KYNU: variants seen among roughly 807,000 people sequenced by gnomAD.
KYNU encodes the protein kynureninase, also known as L-kynurenine hydrolase.
A neutral mutation model predicts 59.2 loss-of-function variants in KYNU; 54 were observed. The observed-to-expected ratio is 0.91, with a 90% CI of 0.73 to 1.14. The LOEUF is 1.14. KYNU is among the 50% of genes most tolerant of loss of function. The pLI is 0.00. For missense variants in KYNU, 567 were observed against 554.4 expected, an observed-to-expected ratio of 1.02 and a Z score of -0.23; for synonymous variants, 177 against 192.0, an observed-to-expected ratio of 0.92 and a Z score of 0.65.
intron 10 of KYNU, among the ~76,000 whole-genome samples, chr2:143,018,903 A>G (rs1686333469): frequency 6.6e-6 from 1 of 152,016 alleles, no homozygotes; most frequent in East Asian, 1.9e-4. Flanking sequence ...GCTACTGTAA[A>G]TGGGATTGTA....
intron 2 of KYNU, among the ~76,000 whole-genome samples, chr2:142,912,387 T>TC (rs1271104974): frequency 0.042 from 5,908 of 139,302 alleles, 171 homozygotes; most frequent in African/African-American, 0.11. Context: ...TTTTTTTTTT[T>TC]TTTTTTTTTG....
rs1422327794 is a variant in KYNU at position 142,956,208 on chromosome 2, AT to A, written c.447del (p.Phe149LeufsTer12). 13 of 1,581,692 alleles carry A rather than the reference AT, an allele frequency of 8.2e-6. No individual in the cohort carries two copies. The highest frequency in any genetic ancestry group is 6.7e-5 in the Admixed American group (4 of 59,806). Reference protein sequence around the residue: ...TVNLHLLMLSFFKPTPKRYKI... With the variant: ...TVNLHLLMLSXFKPTPKRYKI... The stretch of plus-strand genomic sequence containing the variant: ...ATAAATCCATTTTATTGCAGTTATC[AT>A]TTTTTAAGCCTACGCCAAAACGATA... On this transcript the variant is annotated frameshift_variant, in exon 6 of 14. Coordinates refer to ENST00000264170, the MANE Select transcript of KYNU (RefSeq NM_003937.3). LOFTEE classifies it high-confidence loss of function.
At chr2:143,035,750 C>G (rs1000551499) in intron 12 of KYNU, among the ~76,000 whole-genome samples, 7 of 152,122 alleles carry the variant, frequency 4.6e-5, no homozygotes, top group African/African-American at 7.2e-5. Context: ...CACCACCACA[C>G]TTGGCTGATT....
chr2:142,960,947 G>A (rs1024852523), intron 8 of KYNU, among the ~76,000 whole-genome samples, 177 bp downstream of exon 8: 5 of 151,524 alleles, frequency 3.3e-5, no homozygotes, highest in Non-Finnish European at 7.4e-5. Flanking sequence ...TGTAATCCCA[G>A]CACTTGGGAG....
At chr2:142,942,020 T>C (rs1683616751) in intron 4 of KYNU, among the ~76,000 whole-genome samples, 1 of 151,890 alleles carries the variant, frequency 6.6e-6, no homozygotes, top group South Asian at 2.1e-4. Context: ...AATACAGATA[T>C]ACAAAAATTA....
At chr2:143,041,352 T>G (rs61665191) in intron 13 of KYNU, among the ~76,000 whole-genome samples, 23,918 of 151,976 alleles carry the variant, frequency 0.16, 1,968 homozygotes, top group East Asian at 0.27. Flanking sequence ...GAAATTCAAG[T>G]TTCTAAATCA....
At chr2:143,020,565 A>C (rs1686375314) in intron 10 of KYNU, among the ~76,000 whole-genome samples, 1 of 152,182 alleles carries the variant, frequency 6.6e-6, no homozygotes, top group African/African-American at 2.4e-5. Flanking sequence ...TATCCTGGCA[A>C]ATGTTCTAAG....
intron 2 of KYNU, among the ~76,000 whole-genome samples, chr2:142,888,809 G>A (rs910619049): frequency 3.3e-5 from 5 of 150,296 alleles, no homozygotes; most frequent in South Asian, 2.2e-4. Flanking sequence ...AGACACTTCT[G>A]TCAGAACGGT....
chr2:142,965,414 A>C (rs1684495065), intron 8 of KYNU, among the ~76,000 whole-genome samples: 1 of 152,192 alleles, frequency 6.6e-6, no homozygotes, highest in African/African-American at 2.4e-5. Context: ...TGAAAAATGC[A>C]GATTTCTTTT....
In KYNU at chr2:143,049,059, A is replaced by T. The variant is rs757732722; in HGVS notation, c.*6887A>T. The T allele has an allele frequency of 6.6e-6, 1 of 152,126 alleles. No individual in the cohort carries two copies. Among genetic ancestry groups the T allele is most frequent in the Non-Finnish European group, 1.5e-5 (1 of 68,020 alleles). The allele number at this position is 152,126 out of a possible 1,614,324, so 9.4% of individuals were successfully genotyped here. ...GGATTAATTTTTTAATTTCTAGAAA[A>T]TTCAGAAGTATTATTTATTTATTCA... On this transcript the variant is annotated 3_prime_UTR_variant, in exon 14 of 14. Transcript: ENST00000264170.
chr2:143,013,272 C>G (rs989216707), intron 10 of KYNU, among the ~76,000 whole-genome samples: 6 of 150,470 alleles, frequency 4.0e-5, no homozygotes, highest in South Asian at 2.1e-4. Context: ...CTCTCCCTGT[C>G]TCTCTCTGTT....
rs1199614167 is a variant in KYNU, at chr2:143,033,303, C to T, written c.1023C>T (p.Ser341=). 1.2e-6 allele frequency: 2 copies of T among 1,613,378 alleles called. No homozygotes were observed. Among genetic ancestry groups the T allele is most frequent in the East Asian group, 2.2e-5 (1 of 44,878 alleles). The part of the protein sequence containing the change: ...ISNPPILLVC[S]LHASLEIFKQ... ...ATCCTCCCATTTTGTTGGTCTGTTC[C>T]TTGCATGCTAGTTTAGAGGTAAGTG... The change falls in exon 12 of 14, where the codon TCC becomes TCT. Residue 341 remains serine, a synonymous_variant. Transcript: ENST00000264170.
intron 13 of KYNU, among the ~76,000 whole-genome samples, chr2:143,041,434 G>A (rs3845642): frequency 0.69 from 105,446 of 151,834 alleles, 37,005 homozygotes; most frequent in Middle Eastern, 0.77. Flanking sequence ...ATTTTCATCC[G>A]TATTTGGGGT....
intron 10 of KYNU, among the ~76,000 whole-genome samples, chr2:143,013,259 T>A (rs1686161730): frequency 6.6e-6 from 1 of 152,080 alleles, no homozygotes; most frequent in African/African-American, 2.4e-5. Context: ...TATTTCTCTC[T>A]CTCTCTCCCT....
intron 1 of KYNU, among the ~76,000 whole-genome samples, chr2:142,882,451 A>G (rs1681335611): frequency 1.3e-5 from 2 of 151,916 alleles, no homozygotes; most frequent in Admixed American, 1.3e-4. Context: ...TTTACATTAC[A>G]TATTTCTCCT....
intron 4 of KYNU, among the ~76,000 whole-genome samples, chr2:142,935,523 AG>A (rs905744704): frequency 3.3e-5 from 5 of 152,278 alleles, no homozygotes; most frequent in African/African-American, 1.2e-4. Flanking sequence ...TTCTGGGGTG[AG>A]GGTGGAAGAG....
intron 2 of KYNU, among the ~76,000 whole-genome samples, chr2:142,917,450 G>A (rs1682702045): frequency 6.8e-6 from 1 of 146,206 alleles, no homozygotes; most frequent in South Asian, 2.3e-4. Flanking sequence ...AACCATTGAT[G>A]TGATAACCTT....
chr2:143,040,988 A>G (rs1687026990), intron 13 of KYNU, among the ~76,000 whole-genome samples: 1 of 152,100 alleles, frequency 6.6e-6, no homozygotes, highest in Non-Finnish European at 1.5e-5. Flanking sequence ...CTGTACTACA[A>G]TTCATTTATT....
chr2:142,931,145 G>A (rs965060957), intron 4 of KYNU, among the ~76,000 whole-genome samples: 1 of 152,206 alleles, frequency 6.6e-6, no homozygotes, highest in South Asian at 2.1e-4. Flanking sequence ...GCTGGCGCAC[G>A]CCGCTGACGT....
Sources: gnomAD v4.1 joint callset for allele counts (sites outside exome capture counted in the v4.1 genomes callset) on GRCh38, gnomAD v4.1.1 for gene constraint, MANE v1.5 for transcripts, NCBI Gene and HGNC (gene_info 2026-07-23, HGNC 2026-07-21) for gene names.